Variants in RMC1 observed in about 807,000 individuals in gnomAD.
The protein encoded by RMC1 is regulator of MON1-CCZ1 complex.
RMC1 carries 44 observed loss-of-function variants against 95.5 expected under a neutral mutation model. The ratio of observed to expected loss-of-function variants is 0.46; its 90% confidence interval spans 0.36 to 0.59. RMC1 has a LOEUF of 0.59. Among genes scored for constraint, RMC1 ranks in the 20% least tolerant of loss-of-function variants. RMC1 has a pLI of 0.00. For missense variants in RMC1, 705 were observed against 819.6 expected, an observed-to-expected ratio of 0.86 and a Z score of 1.71; for synonymous variants, 320 against 303.6, an observed-to-expected ratio of 1.05 and a Z score of -0.56.
At chr18:23,527,937 C>G in intron 14 of RMC1, 36 bp downstream of exon 14, 1 of 1,486,700 alleles carries the variant, frequency 6.7e-7, no homozygotes, top group Non-Finnish European at 9.3e-7. Context: ...GGTCCTCCTC[C>G]CCCACCCCCT....
chr18:23,530,203 G>C, intron 17 of RMC1, 26 bp from the exon 18 acceptor site: 1 of 1,614,030 alleles, frequency 6.2e-7, no homozygotes, highest in Non-Finnish European at 8.5e-7. Flanking sequence ...CTTTCCAACT[G>C]AAGTGGGTCT....
At chr18:23,530,790 A>C (rs1254991950) in intron 19 of RMC1, among the ~76,000 whole-genome samples, 178 bp downstream of exon 19, 1 of 152,192 alleles carries the variant, frequency 6.6e-6, no homozygotes, top group African/African-American at 2.4e-5. Context: ...TACTGACAGA[A>C]TCTGAATTAT....
At chr18:23,504,262 T>C in intron 1 of RMC1, 109 bp from the exon 2 acceptor site, 1 of 851,040 alleles carries the variant, frequency 1.2e-6, no homozygotes. Context: ...CGTGTTACTT[T>C]AGTTGAACCC....
At chr18:23,511,999 C>T (rs1364952820) in intron 5 of RMC1, among the ~76,000 whole-genome samples, 1 of 151,200 alleles carries the variant, frequency 6.6e-6, no homozygotes, top group African/African-American at 2.4e-5. Context: ...CATTTGCCAA[C>T]CTGAGAGGTA....
chr18:23,526,558 A>C, intron 12 of RMC1, 79 bp from the exon 13 acceptor site: 1 of 1,541,822 alleles, frequency 6.5e-7, no homozygotes, highest in Admixed American at 1.9e-5. Flanking sequence ...CCCGCCCCGC[A>C]GATGTTTAGG....
chr18:23,504,971 A>AC (rs2145116946), intron 2 of RMC1, among the ~76,000 whole-genome samples: 1 of 152,342 alleles, frequency 6.6e-6, no homozygotes, highest in African/African-American at 2.4e-5. Flanking sequence ...GGCCACTGTA[A>AC]CACTGGTGCT....
chr18:23,529,199 C>A lies in RMC1; in HGVS notation c.1317C>A (p.Ser439Arg). The change falls in exon 15 of 20, where the codon AGC (serine) becomes AGA (arginine). Residue 439 changes from serine to arginine, a missense_variant. Physicochemically the swap from Ser to Arg is moderately radical, Grantham distance 110 (BLOSUM62 -1). Transcript: ENST00000269221. ...SYAMAVEAGQ[S>R]RSSPLLKRPV... ...TTCAGGCGGTGGAAGCAGGGCAGAG[C>A]CGAAGCAGCCCGCTCCTCAAGAGGC... 2 of 1,613,556 alleles carry A rather than the reference C, an allele frequency of 1.2e-6. No individual in the cohort carries two copies. The highest frequency in any genetic ancestry group is 1.7e-6 in the Non-Finnish European group (2 of 1,179,890).
intron 13 of RMC1, among the ~76,000 whole-genome samples, chr18:23,527,356 C>T (rs2058333100): frequency 6.6e-6 from 1 of 151,730 alleles, no homozygotes; most frequent in South Asian, 2.1e-4. Context: ...CCGTTTGTGT[C>T]AGTGTACCTC....
Position 23,529,956 on chromosome 18 carries a change from C to T in RMC1, c.1495-72C>T, listed in dbSNP as rs111422358. On this transcript the variant is annotated intron_variant, in intron 16 of 19. Coordinates refer to ENST00000269221, the MANE Select transcript of RMC1 (RefSeq NM_013326.5). Reference sequence around the variant, plus strand: ...ACTGTGTTGGTTAGAATAGCCAGTCCTTGGGGAGCCTCTAGTCTGTTGTAG... The same window carrying T: ...ACTGTGTTGGTTAGAATAGCCAGTCTTTGGGGAGCCTCTAGTCTGTTGTAG... 28 of 1,392,250 alleles carry T rather than the reference C, an allele frequency of 2.0e-5. 2 individuals carry two copies. Among genetic ancestry groups the T allele is most frequent in the African/African-American group, 1.6e-4 (11 of 69,842 alleles). The allele number at this position is 1,392,250 out of a possible 1,614,324, so 86.2% of individuals were successfully genotyped here.
At position 23,519,089 on chromosome 18, in the gene RMC1, T is replaced by A; in HGVS notation, c.764T>A (p.Met255Lys). 2.5e-6 allele frequency: 4 copies of A among 1,614,186 alleles called. No individual in the cohort carries two copies. The highest frequency in any genetic ancestry group is 3.4e-6 in the Non-Finnish European group (4 of 1,180,018). The change falls in exon 9 of 20, where the codon ATG becomes AAG. Residue 255 changes from methionine (M) to lysine (K), a missense_variant. Physicochemically the swap from Met to Lys is moderately conservative, Grantham distance 95. Coordinates refer to ENST00000269221, the MANE Select transcript of RMC1 (RefSeq NM_013326.5). ...TACAGAGAAGGTGCCTGTAAAAAGA[T>A]GCACATATTGAAGTTAAATAGGACG... ...HLPREGACKK[M>K]HILKLNRTGK... is the part of the protein sequence containing the mutation.
chr18:23,510,692 A>G (rs2057831246), intron 5 of RMC1, among the ~76,000 whole-genome samples: 1 of 152,248 alleles, frequency 6.6e-6, no homozygotes, highest in Non-Finnish European at 1.5e-5. Flanking sequence ...ACTTTTTAAA[A>G]GAAGACACAC....
rs765697151 is a variant in RMC1 at position 23,526,687 on chromosome 18, CCAGA to C, written c.1114_1117del (p.Asp372LysfsTer26). 1.9e-6 allele frequency: 3 copies of C among 1,614,146 alleles called. No homozygotes were observed. The highest frequency in any genetic ancestry group is 1.7e-6 in the Non-Finnish European group (2 of 1,180,000). On this transcript the variant is annotated frameshift_variant, in exon 13 of 20. Transcript: ENST00000269221. LOFTEE classifies it high-confidence loss of function. ...ACTTGAGCCCATAGTAAATCTCTTA[CCAGA>C]CAAAGGAAGACTCATGGACTTTCTC...
intron 3 of RMC1, among the ~76,000 whole-genome samples, chr18:23,507,587 C>A (rs1366615472): frequency 6.6e-6 from 1 of 152,082 alleles, no homozygotes; most frequent in African/African-American, 2.4e-5. Flanking sequence ...TTCACCATTG[C>A]CGTTTGTAGA....
chr18:23,524,423 A>G lies in RMC1; in HGVS notation c.1007-6A>G. ...TTCCTGGTTTAGAATTTCCTATAAC[A>G]TGTGGATTCTTCATCTTGGATTGTC... On this transcript the variant is annotated splice_polypyrimidine_tract_variant and splice_region_variant and intron_variant, in intron 11 of 19. Transcript: ENST00000269221. The G allele has an allele frequency of 1.2e-6, 2 of 1,613,852 alleles. No individual in the cohort carries two copies. Among genetic ancestry groups the G allele is most frequent in the Non-Finnish European group, 1.7e-6 (2 of 1,179,798 alleles).
At chr18:23,527,589 C>CTTTTTTTTTTT (rs71163615) in intron 13 of RMC1, among the ~76,000 whole-genome samples, 1 of 108,368 alleles carries the variant, frequency 9.2e-6, no homozygotes, top group African/African-American at 3.6e-5. Flanking sequence ...CCTGCTATAG[C>CTTTTTTTTTTT]TTTTTTTTTT....
chr18:23,503,595 CCCGCCGCGGGCGCGG>C lies in RMC1; in HGVS notation c.-22_-8del, dbSNP rs753679043. The stretch of plus-strand genomic sequence containing the variant: ...CACTCTGGCGACCGCCCCCGGGGCC[CCCGCCGCGGGCGCGG>C]CGCCCGCCATGGGCGAGGAGGACTA... On this transcript the variant is annotated 5_prime_UTR_variant, in exon 1 of 20. Coordinates refer to ENST00000269221, the MANE Select transcript of RMC1 (RefSeq NM_013326.5). 1 of 1,535,820 alleles carries C rather than the reference CCCGCCGCGGGCGCGG, an allele frequency of 6.5e-7. No homozygotes were observed.
At chr18:23,511,739 G>A (rs547678191) in intron 5 of RMC1, among the ~76,000 whole-genome samples, 1 of 151,480 alleles carries the variant, frequency 6.6e-6, no homozygotes, top group East Asian at 1.9e-4. Context: ...TGGATGGACT[G>A]CAGTTTAAAA....
In RMC1 at chr18:23,519,239, T is replaced by A. The variant is rs1045166831; in HGVS notation, c.849+65T>A. 15 of 1,409,272 alleles carry A rather than the reference T, an allele frequency of 1.1e-5. No individual in the cohort carries two copies. In the African/African-American group the frequency reaches 1.8e-4, roughly 17 times the overall value. The allele number at this position is 1,409,272 out of a possible 1,614,324, so 87.3% of individuals were successfully genotyped here. ...TAAAAGCCTTGTGAAAATTGGTGGC[T>A]GGGCACGGTGGATCACGCCTGTAAT... On this transcript the variant is annotated intron_variant, in intron 9 of 19. Coordinates refer to ENST00000269221, the MANE Select transcript of RMC1 (RefSeq NM_013326.5).
At chr18:23,517,673 TTTC>T (rs1044552638) in intron 7 of RMC1, among the ~76,000 whole-genome samples, 6 of 152,254 alleles carry the variant, frequency 3.9e-5, no homozygotes, top group Admixed American at 2.0e-4. Flanking sequence ...TGTTCTTTCA[TTTC>T]TTCTTCCTTT....
Sources: allele counts gnomAD v4.1 joint callset (sites outside exome capture counted in the v4.1 genomes callset), GRCh38; gene constraint gnomAD v4.1.1; transcripts MANE v1.5; gene names NCBI Gene and HGNC (gene_info 2026-07-23, HGNC 2026-07-21).